The following DPYD variants were observed in gnomAD, a reference collection of about 807,000 sequenced individuals.
DPYD encodes the protein dihydropyrimidine dehydrogenase, also known as dihydropyrimidine dehydrogenase [NADP(+)].
Under a neutral mutation model 116.2 loss-of-function variants are expected in DPYD, and 109 were observed. The observed-to-expected ratio is 0.94, with a 90% CI of 0.80 to 1.10. DPYD has a LOEUF of 1.10. Ranked by LOEUF, DPYD falls within the 50% of genes least tolerant of loss-of-function variation. The pLI is 0.00. For synonymous variants in DPYD, 440 were observed against 432.0 expected (o/e 1.02, Z -0.23); for missense variants, 1,302 against 1,254.5 (o/e 1.04, Z -0.57).
At chr1:97,410,088 G>T (rs1673893803) in intron 14 of DPYD, among the ~76,000 whole-genome samples, 1 of 144,088 alleles carries the variant, frequency 6.9e-6, no homozygotes. Flanking sequence ...GAAAGAAGAA[G>T]AAGAAGAAAA....
chr1:97,556,514 C>T (rs1260996004), intron 11 of DPYD, among the ~76,000 whole-genome samples: 5 of 110,796 alleles, frequency 4.5e-5, no homozygotes, highest in Admixed American at 2.2e-4. Context: ...CCTCCCCCCA[C>T]CCCACAACAG....
At chr1:97,278,650 G>A (rs566879963) in intron 18 of DPYD, among the ~76,000 whole-genome samples, 1 of 152,328 alleles carries the variant, frequency 6.6e-6, no homozygotes, top group South Asian at 2.1e-4. Context: ...AATGAGGACA[G>A]CCAAATGAGG....
intron 8 of DPYD, among the ~76,000 whole-genome samples, chr1:97,647,544 A>C: frequency 6.6e-6 from 1 of 151,970 alleles, no homozygotes; most frequent in Middle Eastern, 3.2e-3. Context: ...CCAAAATCAC[A>C]TATGTTTTTG....
intron 5 of DPYD, among the ~76,000 whole-genome samples, chr1:97,707,359 C>T (rs1400607317): frequency 3.3e-5 from 5 of 151,858 alleles, no homozygotes; most frequent in Non-Finnish European, 7.4e-5. Flanking sequence ...CAGTTACATA[C>T]GTATACATGT....
chr1:97,504,333 G>A (rs940858414), intron 13 of DPYD, among the ~76,000 whole-genome samples: 3 of 151,954 alleles, frequency 2.0e-5, no homozygotes, highest in Admixed American at 2.0e-4. Context: ...CAACTGTACA[G>A]CAACTAGCCT....
At chr1:97,469,130 G>A (rs1229063289) in intron 13 of DPYD, among the ~76,000 whole-genome samples, 1 of 152,008 alleles carries the variant, frequency 6.6e-6, no homozygotes, top group Non-Finnish European at 1.5e-5. Flanking sequence ...GAAAGGAACA[G>A]CCATTTAATA....
intron 16 of DPYD, among the ~76,000 whole-genome samples, chr1:97,317,455 G>A (rs1667925540): frequency 6.6e-6 from 1 of 151,916 alleles, no homozygotes; most frequent in African/African-American, 2.4e-5. Context: ...TTTGGATAAG[G>A]GCAAGTGTGT....
intron 2 of DPYD, among the ~76,000 whole-genome samples, chr1:97,852,021 T>C (rs1488283791): frequency 8.5e-6 from 1 of 117,970 alleles, no homozygotes; most frequent in African/African-American, 3.3e-5. Context: ...CTGTGCAATT[T>C]ACAAAAAAAA....
At chr1:97,780,648 T>C (rs957565515) in intron 3 of DPYD, among the ~76,000 whole-genome samples, 4 of 152,180 alleles carry the variant, frequency 2.6e-5, no homozygotes, top group African/African-American at 9.7e-5. Context: ...GGAGGTATAT[T>C]CTAAGTTCTA....
At chr1:97,491,694 A>G (rs1678984871) in intron 13 of DPYD, among the ~76,000 whole-genome samples, 1 of 152,120 alleles carries the variant, frequency 6.6e-6, no homozygotes, top group Non-Finnish European at 1.5e-5. Flanking sequence ...AACAATATAA[A>G]CAATATGAAA....
chr1:97,184,681 CATTGTTCCA>C (rs1202581736), intron 20 of DPYD, among the ~76,000 whole-genome samples: 1 of 152,026 alleles, frequency 6.6e-6, no homozygotes, highest in East Asian at 1.9e-4. Flanking sequence ...ATTTCCAGTT[CATTGTTCCA>C]ATTGTTCATG....
intron 3 of DPYD, among the ~76,000 whole-genome samples, chr1:97,783,248 G>C (rs1343795392): frequency 6.6e-6 from 1 of 152,146 alleles, no homozygotes; most frequent in African/African-American, 2.4e-5. Flanking sequence ...CCTACTTAAA[G>C]TAATACTTTT....
intron 4 of DPYD, among the ~76,000 whole-genome samples, chr1:97,732,564 G>T (rs1663688636): frequency 6.6e-6 from 1 of 151,158 alleles, no homozygotes; most frequent in East Asian, 1.9e-4. Context: ...AAGCATTAAT[G>T]ACTCAATAGA....
intron 1 of DPYD, among the ~76,000 whole-genome samples, chr1:97,892,027 T>C (rs879187086): frequency 1.3e-5 from 2 of 151,992 alleles, no homozygotes; most frequent in East Asian, 1.9e-4. Flanking sequence ...CATTTTTCTT[T>C]AATGGCTTAT....
chr1:97,488,064 T>C (rs576145470), intron 13 of DPYD, among the ~76,000 whole-genome samples: 4 of 152,144 alleles, frequency 2.6e-5, no homozygotes, highest in Admixed American at 2.0e-4. Flanking sequence ...ATTGTGGTTA[T>C]ATACATAGCA....
At chr1:97,497,423 C>A (rs2786778) in intron 13 of DPYD, among the ~76,000 whole-genome samples, 4 of 151,558 alleles carry the variant, frequency 2.6e-5, no homozygotes, top group African/African-American at 9.7e-5. Flanking sequence ...ATGTTTCTAA[C>A]AGAACTGGGT....
chr1:97,805,123 T>C (rs1668019918), intron 3 of DPYD, among the ~76,000 whole-genome samples: 2 of 151,992 alleles, frequency 1.3e-5, no homozygotes, highest in African/African-American at 2.4e-5. Context: ...CCTGGGAATG[T>C]AGGAGACCAA....
intron 2 of DPYD, chr1:97,856,928 G>C (rs1670874673): frequency 6.6e-6 from 1 of 152,206 alleles, no homozygotes; most frequent in South Asian, 2.1e-4. Context: ...AGGTTCTGGT[G>C]CTCTGAATCT....
At chr1:97,399,549 T>C (rs1673234757) in intron 14 of DPYD, among the ~76,000 whole-genome samples, 1 of 152,188 alleles carries the variant, frequency 6.6e-6, no homozygotes, top group African/African-American at 2.4e-5. Context: ...AGTATGGCCA[T>C]TTTCACGATA....
Sources: gnomAD v4.1 joint callset for allele counts (sites outside exome capture counted in the v4.1 genomes callset) on GRCh38, gnomAD v4.1.1 for gene constraint, MANE v1.5 for transcripts, NCBI Gene and HGNC (gene_info 2026-07-23, HGNC 2026-07-21) for gene names.